The following MYO3B variants were observed in gnomAD, a reference collection of about 807,000 sequenced individuals.
MYO3B encodes the protein myosin-IIIb.
Under a neutral mutation model 174.6 loss-of-function variants are expected in MYO3B, and 156 were observed. That is an observed-to-expected ratio of 0.89 (90% CI 0.78 to 1.02). The LOEUF (loss-of-function observed/expected upper bound fraction) is 1.02, where lower values mean the gene tolerates loss of function less well. Among genes scored for constraint, MYO3B ranks in the 50% least tolerant of loss-of-function variants. The pLI is 0.00. For synonymous variants in MYO3B, 563 were observed against 569.1 expected, an observed-to-expected ratio of 0.99 and a Z score of 0.15; for missense variants, 1,632 against 1,639.4, an observed-to-expected ratio of 1.00 and a Z score of 0.08.
intron 7 of MYO3B, among the ~76,000 whole-genome samples, chr2:170,273,751 C>CAT (rs3045322): frequency 0.94 from 143,088 of 152,080 alleles, 67,624 homozygotes; most frequent in Non-Finnish European, 0.98. Flanking sequence ...GGATTGGACT[C>CAT]GTGTAATTAT....
intron 6 of MYO3B, among the ~76,000 whole-genome samples, chr2:170,229,906 A>G (rs2092995664): frequency 6.6e-6 from 1 of 152,188 alleles, no homozygotes. Context: ...CTAGTCATGG[A>G]TCATGATGGC....
chr2:170,539,000 TC>T, intron 30 of MYO3B, among the ~76,000 whole-genome samples: 1 of 152,318 alleles, frequency 6.6e-6, no homozygotes, highest in South Asian at 2.1e-4. Flanking sequence ...ATGAATTAAT[TC>T]CTTAATATCG....
intron 32 of MYO3B, among the ~76,000 whole-genome samples, chr2:170,624,224 T>C (rs537738107): frequency 5.9e-5 from 9 of 152,354 alleles, no homozygotes; most frequent in African/African-American, 2.2e-4. Flanking sequence ...GTTCTTCCAT[T>C]TGTTTGTGTC....
In MYO3B at chr2:170,543,952, C is replaced by G. The variant is rs1690302633; in HGVS notation, c.3697C>G (p.Gln1233Glu). 6.2e-7 allele frequency: 1 copy of G among 1,613,262 alleles called. No individual in the cohort carries two copies. The highest frequency in any genetic ancestry group is 1.1e-5 in the South Asian group (1 of 91,040). Residue 1233 changes from glutamine to glutamate, a missense_variant, in exon 32 of 35, where the codon CAA (glutamine) becomes GAA (glutamate). Gln to Glu is a conservative substitution (Grantham distance 29). Transcript: ENST00000408978. Reference sequence around the variant, plus strand: ...GATATGCCATCCTGCTCCAGATCAGCAAGGATTGAGTCTCTGGGGAGCCCC... The same window carrying G: ...GATATGCCATCCTGCTCCAGATCAGGAAGGATTGAGTCTCTGGGGAGCCCC... ...SRICHPAPDQQGLSLWGAPQK... is the reference protein window; with the variant it reads ...SRICHPAPDQEGLSLWGAPQK...
At chr2:170,621,458 T>C (rs1695907492) in intron 32 of MYO3B, among the ~76,000 whole-genome samples, 1 of 152,108 alleles carries the variant, frequency 6.6e-6, no homozygotes, top group African/African-American at 2.4e-5. Context: ...TATTAAATAC[T>C]ACAACTTATA....
chr2:170,278,396 A>G (rs1201130687), intron 7 of MYO3B, among the ~76,000 whole-genome samples: 1 of 152,190 alleles, frequency 6.6e-6, no homozygotes, highest in Non-Finnish European at 1.5e-5. Context: ...TTTTGGCAAC[A>G]GCCGCAAGTT....
chr2:170,244,500 A>G (rs2093168921), intron 7 of MYO3B, among the ~76,000 whole-genome samples: 1 of 152,180 alleles, frequency 6.6e-6, no homozygotes, highest in South Asian at 2.1e-4. Context: ...CTGAGGGAAT[A>G]TACAAGTGAG....
intron 7 of MYO3B, among the ~76,000 whole-genome samples, chr2:170,312,129 A>G (rs2093744252): frequency 1.3e-5 from 2 of 152,200 alleles, no homozygotes; most frequent in Admixed American, 1.3e-4. Flanking sequence ...AACCTCTTCT[A>G]CCACTCACAG....
At chr2:170,291,040 G>A (rs1488794877) in intron 7 of MYO3B, among the ~76,000 whole-genome samples, 1 of 152,122 alleles carries the variant, frequency 6.6e-6, no homozygotes, top group Non-Finnish European at 1.5e-5. Context: ...ACCTGAGTCA[G>A]GAGTTCGAGA....
intron 28 of MYO3B, among the ~76,000 whole-genome samples, chr2:170,502,493 G>A (rs955705229): frequency 6.6e-6 from 1 of 152,106 alleles, no homozygotes; most frequent in Non-Finnish European, 1.5e-5. Flanking sequence ...TTTATGGCTC[G>A]GCTTGCTATT....
At chr2:170,501,017 T>C (rs551597715) in intron 27 of MYO3B, among the ~76,000 whole-genome samples, 1 of 152,330 alleles carries the variant, frequency 6.6e-6, no homozygotes, top group East Asian at 1.9e-4. Flanking sequence ...AGAATCCTCA[T>C]GTGGCTCAGT....
At chr2:170,590,080 A>G (rs1693729040) in intron 32 of MYO3B, among the ~76,000 whole-genome samples, 1 of 152,182 alleles carries the variant, frequency 6.6e-6, no homozygotes, top group Admixed American at 6.5e-5. Flanking sequence ...TTGTGTAAGT[A>G]CTCTATGAAG....
At chr2:170,646,207 G>T (rs138059835) in intron 32 of MYO3B, among the ~76,000 whole-genome samples, 2,607 of 151,138 alleles carry the variant, frequency 0.017, 27 homozygotes, top group Non-Finnish European at 0.027. Flanking sequence ...GGAGGCGGAG[G>T]TTGCGGTGAG....
chr2:170,640,860 G>A (rs770874786), intron 32 of MYO3B: 1 of 150,478 alleles, frequency 6.6e-6, no homozygotes, highest in Non-Finnish European at 1.5e-5. Context: ...TTACAGTGGC[G>A]AATAAAGTTC....
At chr2:170,446,393 A>AC (rs1345809050) in intron 23 of MYO3B, among the ~76,000 whole-genome samples, 1 of 152,046 alleles carries the variant, frequency 6.6e-6, no homozygotes, top group Non-Finnish European at 1.5e-5. Flanking sequence ...TGCCTTCCAC[A>AC]CCCATAGTAC....
chr2:170,181,154 A>T (rs2092394101), intron 1 of MYO3B, among the ~76,000 whole-genome samples: 1 of 152,110 alleles, frequency 6.6e-6, no homozygotes, highest in South Asian at 2.1e-4. Context: ...ATTAAAGTTA[A>T]TTTTTATATG....
intron 7 of MYO3B, among the ~76,000 whole-genome samples, chr2:170,296,129 C>T (rs975086477): frequency 2.0e-5 from 3 of 152,184 alleles, no homozygotes; most frequent in Admixed American, 6.5e-5. Flanking sequence ...GGTGGAAGAT[C>T]TTTCCCAGTG....
chr2:170,182,589 G>T (rs1359224140), intron 1 of MYO3B, among the ~76,000 whole-genome samples: 1 of 145,914 alleles, frequency 6.9e-6, no homozygotes, highest in Non-Finnish European at 1.5e-5. Context: ...AAATTTTCAT[G>T]TTATGTGTTT....
chr2:170,652,109 G>T lies in MYO3B; in HGVS notation c.3842G>T (p.Gly1281Val). ...GTGTGTTCTTGGCCCTCTCCACAGGGAACTCTAGAATATCAAGGGAGCAAG... is the reference window on the plus strand; with the variant it reads ...GTGTGTTCTTGGCCCTCTCCACAGGTAACTCTAGAATATCAAGGGAGCAAG... ...EDTMYYNQLN[G>V]TLEYQGSKRK... Residue 1281 changes from glycine (G) to valine (V), a missense_variant and splice_region_variant, in exon 34 of 35, where the codon GGA (glycine) becomes GTA (valine). By Grantham distance (109) the Gly-to-Val change is moderately radical. Coordinates refer to ENST00000408978, the MANE Select transcript of MYO3B (RefSeq NM_138995.5). 1 of 1,613,778 alleles carries T rather than the reference G, an allele frequency of 6.2e-7. No individual in the cohort carries two copies. The highest frequency in any genetic ancestry group is 8.5e-7 in the Non-Finnish European group (1 of 1,179,942).
Sources: gnomAD v4.1 joint callset for allele counts (sites outside exome capture counted in the v4.1 genomes callset) on GRCh38, gnomAD v4.1.1 for gene constraint, MANE v1.5 for transcripts, NCBI Gene and HGNC (gene_info 2026-07-23, HGNC 2026-07-21) for gene names.